Variants in AOAH observed in about 807,000 individuals in gnomAD.
AOAH encodes acyloxyacyl hydrolase.
AOAH carries 64 observed loss-of-function variants against 92.2 expected under a neutral mutation model. That is an observed-to-expected ratio of 0.69 (90% CI 0.57 to 0.86). The LOEUF (loss-of-function observed/expected upper bound fraction) is 0.86, where lower values mean the gene tolerates loss of function less well. Ranked by LOEUF, AOAH falls within the 40% of genes least tolerant of loss-of-function variation. The pLI is 0.00. For missense variants in AOAH, 656 were observed against 694.6 expected (o/e 0.94, Z 0.62); for synonymous variants, 263 against 254.5 (o/e 1.03, Z -0.32).
chr7:36,678,608 CGCGCGCGT>C (rs1796450607), intron 2 of AOAH, among the ~76,000 whole-genome samples: 1 of 118,480 alleles, frequency 8.4e-6, no homozygotes, highest in African/African-American at 2.9e-5. Flanking sequence ...TGTGCGCGCG[CGCGCGCGT>C]TAGAATTCTG....
chr7:36,652,575 G>A (rs1794643377), intron 4 of AOAH, among the ~76,000 whole-genome samples: 1 of 152,168 alleles, frequency 6.6e-6, no homozygotes, highest in South Asian at 2.1e-4. Flanking sequence ...GGGAAACCTG[G>A]CAAATGACCC....
At chr7:36,691,510 G>A (rs536514368) in intron 1 of AOAH, among the ~76,000 whole-genome samples, 7 of 152,262 alleles carry the variant, frequency 4.6e-5, no homozygotes, top group African/African-American at 1.7e-4. Context: ...AGAGACAAAG[G>A]AGGAGAAAGA....
rs539388254 is a variant in AOAH at position 36,697,941 on chromosome 7, T to A, written c.128-11147A>T. Among the ~76,000 whole-genome samples the A allele has an allele frequency of 4.3e-4, 65 of 152,230 alleles. No individual in the cohort carries two copies. In the South Asian group the frequency reaches 7.1e-3, roughly 17 times the overall value. On this transcript the variant is annotated intron_variant, in intron 1 of 20. Transcript: ENST00000617537. ...GCTGTAAGACAAGGAATGTGAAGGATTGCTGGCAACCACCAGAGGCTAGGA... is the reference window on the plus strand; with the variant it reads ...GCTGTAAGACAAGGAATGTGAAGGAATGCTGGCAACCACCAGAGGCTAGGA...
intron 2 of AOAH, among the ~76,000 whole-genome samples, chr7:36,677,120 A>G (rs1796297798): frequency 6.6e-6 from 1 of 152,192 alleles, no homozygotes; most frequent in African/African-American, 2.4e-5. Context: ...TTTGCACTTC[A>G]TAGAACACCA....
intron 13 of AOAH, among the ~76,000 whole-genome samples, chr7:36,566,054 C>A (rs1176255489): frequency 6.9e-6 from 1 of 145,548 alleles, no homozygotes; most frequent in Admixed American, 6.8e-5. Flanking sequence ...CTTAGTCTTT[C>A]TTTGTCTTTC....
chr7:36,634,140 A>G (rs1562643155), intron 5 of AOAH, among the ~76,000 whole-genome samples: 1 of 152,202 alleles, frequency 6.6e-6, no homozygotes, highest in Non-Finnish European at 1.5e-5. Flanking sequence ...GATTGTGGAC[A>G]CACTGCAAAA....
In AOAH at chr7:36,678,550, A is replaced by AGTGTGTGTGTGTGTGTGTGTGTGT. The variant is rs529261307; in HGVS notation, c.224-4565_224-4542dup. 5.9e-5 allele frequency among the ~76,000 whole-genome samples: 7 copies of AGTGTGTGTGTGTGTGTGTGTGTGT among 118,932 alleles called. No individual in the cohort carries two copies. In the East Asian group the frequency reaches 7.4e-4, roughly 12 times the overall value. The allele number at this position is 118,932 out of a possible 152,430, so 78.0% of individuals were successfully genotyped here. A position where few individuals can be genotyped will look rare whatever the true frequency, so the allele number is the denominator to read the frequency against. ...TCATCTTCTTTCTGGTAAGATAAGC[A>AGTGTGTGTGTGTGTGTGTGTGTGT]GTGTGTGTGTGTGTGTGTGTGTGTG... On this transcript the variant is annotated intron_variant, in intron 2 of 20. Transcript: ENST00000617537.
chr7:36,537,715 G>T (rs1166261662), intron 16 of AOAH, among the ~76,000 whole-genome samples: 1 of 151,994 alleles, frequency 6.6e-6, no homozygotes, highest in Non-Finnish European at 1.5e-5. Flanking sequence ...CAGAGGCAGG[G>T]TTTCACCATG....
chr7:36,653,290 C>CT (rs1794692151), intron 4 of AOAH, among the ~76,000 whole-genome samples: 1 of 152,104 alleles, frequency 6.6e-6, no homozygotes, highest in African/African-American at 2.4e-5. Context: ...ATCTGTGATT[C>CT]TTTTTCTAAA....
At chr7:36,566,429 G>A (rs1302619093) in intron 13 of AOAH, among the ~76,000 whole-genome samples, 1 of 151,326 alleles carries the variant, frequency 6.6e-6, no homozygotes, top group African/African-American at 2.4e-5. Context: ...ACTGGCAGAG[G>A]GCTGGATTCC....
At chr7:36,630,043 G>T (rs1009997139) in intron 6 of AOAH, among the ~76,000 whole-genome samples, 6 of 152,120 alleles carry the variant, frequency 3.9e-5, no homozygotes, top group African/African-American at 1.4e-4. Flanking sequence ...CAAATATGAA[G>T]ATGAAGCAGA....
At chr7:36,611,291 T>C (rs946519989) in intron 11 of AOAH, among the ~76,000 whole-genome samples, 1 of 152,204 alleles carries the variant, frequency 6.6e-6, no homozygotes, top group African/African-American at 2.4e-5. Flanking sequence ...TATTACCATC[T>C]TGATAAGACT....
intron 6 of AOAH, 32 bp from the exon 7 acceptor site, chr7:36,623,282 C>T (rs780582451): frequency 6.2e-7 from 1 of 1,600,172 alleles, no homozygotes; most frequent in Non-Finnish European, 8.5e-7. Flanking sequence ...AATCGGTGAG[C>T]TAACAAAAAA....
intron 13 of AOAH, among the ~76,000 whole-genome samples, chr7:36,575,000 C>A (rs1227494066): frequency 7.0e-6 from 1 of 141,996 alleles, no homozygotes; most frequent in African/African-American, 2.6e-5. Flanking sequence ...GCATGATATT[C>A]CTCACAGATG....
At chr7:36,575,857 A>G (rs1318669425) in intron 13 of AOAH, among the ~76,000 whole-genome samples, 1 of 152,236 alleles carries the variant, frequency 6.6e-6, no homozygotes, top group Non-Finnish European at 1.5e-5. Flanking sequence ...TTCATGTGCC[A>G]AGCCTAATTT....
At chr7:36,617,356 G>C (rs1161479826) in intron 10 of AOAH, among the ~76,000 whole-genome samples, 1 of 152,202 alleles carries the variant, frequency 6.6e-6, no homozygotes, top group Admixed American at 6.5e-5. Context: ...TCATTCATTG[G>C]TTTAGTTGTT....
rs1394159378 is a variant in AOAH at position 36,674,122 on chromosome 7, ATTTAAT to A, written c.224-119_224-114del. ...AAGCTGAGTGATTAATTTATGATTA[ATTTAAT>A]TTTAAGGATTTGAAGGAAATGTTTC... On this transcript the variant is annotated intron_variant, in intron 2 of 20. Coordinates refer to ENST00000617537, the MANE Select transcript of AOAH (RefSeq NM_001637.4). The A allele has an allele frequency of 7.6e-5, 49 of 642,944 alleles. No homozygotes were observed. The South Asian group carries it at 9.5e-4, about 12-fold the overall frequency. The allele number at this position is 642,944 out of a possible 1,614,324, so 39.8% of individuals were successfully genotyped here. A position where few individuals can be genotyped will look rare whatever the true frequency, so the allele number is the denominator to read the frequency against.
chr7:36,563,006 G>A (rs540154465), intron 13 of AOAH, among the ~76,000 whole-genome samples: 2 of 151,730 alleles, frequency 1.3e-5, no homozygotes, highest in African/African-American at 4.8e-5. Flanking sequence ...AATTAGCCAG[G>A]CGTGGTGGCA....
At chr7:36,628,951 G>A (rs987980057) in intron 6 of AOAH, among the ~76,000 whole-genome samples, 4 of 152,216 alleles carry the variant, frequency 2.6e-5, no homozygotes, top group African/African-American at 4.8e-5. Context: ...ATCCATTACC[G>A]GATCTGTGAC....
Sources: gnomAD v4.1 joint callset for allele counts (sites outside exome capture counted in the v4.1 genomes callset) on GRCh38, gnomAD v4.1.1 for gene constraint, MANE v1.5 for transcripts, NCBI Gene and HGNC (gene_info 2026-07-23, HGNC 2026-07-21) for gene names.